The following LRMDA variants were observed in gnomAD, a reference collection of about 807,000 sequenced individuals.
The protein encoded by LRMDA is leucine-rich melanocyte differentiation-associated protein.
A neutral mutation model predicts 29.8 loss-of-function variants in LRMDA; 18 were observed. The observed-to-expected ratio is 0.60, with a 90% CI of 0.42 to 0.90. The LOEUF is 0.90. Ranked by LOEUF, LRMDA falls within the 40% of genes least tolerant of loss-of-function variation. The probability of loss-of-function intolerance (pLI) is 0.00; values close to 1 mark genes in which losing one functional copy is unlikely to be tolerated. For missense variants in LRMDA, 273 were observed against 273.9 expected (o/e 1.00, Z 0.02); for synonymous variants, 125 against 109.4 (o/e 1.14, Z -0.89).
chr10:76,116,823 C>T (rs1849674952), intron 5 of LRMDA, among the ~76,000 whole-genome samples: 1 of 152,158 alleles, frequency 6.6e-6, no homozygotes, highest in African/African-American at 2.4e-5. Context: ...GGCTTCTCTT[C>T]TTCCACCTTT....
At chr10:75,601,161 G>A (rs1443220188) in intron 2 of LRMDA, 1 of 152,158 alleles carries the variant, frequency 6.6e-6, no homozygotes, top group East Asian at 1.9e-4. Flanking sequence ...GCTGTCACGG[G>A]GACTCTGCGT....
Position 76,501,511 on chromosome 10 carries a change from C to T in LRMDA, c.602-55698C>T, listed in dbSNP as rs111325574. On this transcript the variant is annotated intron_variant, in intron 6 of 6. Transcript: ENST00000611255. ...ACAGTGTGTAAGCATTTGCTTTTCT[C>T]CATGGCCTCACCAGCATATGTCATT... Among the ~76,000 whole-genome samples, 323 of 152,074 alleles carry T rather than the reference C, an allele frequency of 2.1e-3. 3 individuals are homozygous for T. The highest frequency in any genetic ancestry group is 0.01 in the Middle Eastern group (3 of 294).
intron 2 of LRMDA, among the ~76,000 whole-genome samples, chr10:75,983,517 A>G (rs896229831): frequency 6.6e-6 from 1 of 152,142 alleles, no homozygotes; most frequent in Non-Finnish European, 1.5e-5. Context: ...CATACGTAAT[A>G]TCCCCAAGTC....
chr10:75,498,522 T>C (rs1845075585), intron 2 of LRMDA, among the ~76,000 whole-genome samples: 1 of 152,178 alleles, frequency 6.6e-6, no homozygotes, highest in South Asian at 2.1e-4. Context: ...TTTAAGGAGT[T>C]TGGTGAGTCA....
At chr10:75,859,315 G>A (rs2052114056) in intron 2 of LRMDA, among the ~76,000 whole-genome samples, 2 of 152,088 alleles carry the variant, frequency 1.3e-5, no homozygotes, top group Non-Finnish European at 2.9e-5. Flanking sequence ...ATTTTTATCA[G>A]TACTCACCCC....
chr10:75,575,936 G>A lies in LRMDA; in HGVS notation c.131+137442G>A, dbSNP rs992473501. Among the ~76,000 whole-genome samples the A allele has an allele frequency of 5.3e-5, 8 of 151,376 alleles. No homozygotes were observed. In the East Asian group the frequency reaches 7.8e-4, roughly 15 times the overall value. On this transcript the variant is annotated intron_variant, in intron 2 of 6. Transcript: ENST00000611255. Reference sequence around the variant, plus strand: ...GTTTCCAGCACAAAACTGGGCGGCCGTTTGGGCAGACACCGAGCTAGCCAC... The same window carrying A: ...GTTTCCAGCACAAAACTGGGCGGCCATTTGGGCAGACACCGAGCTAGCCAC...
chr10:76,525,159 G>C (rs1444490341), intron 6 of LRMDA, among the ~76,000 whole-genome samples: 1 of 152,148 alleles, frequency 6.6e-6, no homozygotes, highest in Non-Finnish European at 1.5e-5. Flanking sequence ...TCTTGCAAAA[G>C]ATATGAATTG....
chr10:76,085,054 G>A (rs1447875210), intron 5 of LRMDA, among the ~76,000 whole-genome samples: 1 of 152,090 alleles, frequency 6.6e-6, no homozygotes, highest in Non-Finnish European at 1.5e-5. Context: ...GGTGCCACTG[G>A]GATTTTTGCT....
intron 5 of LRMDA, among the ~76,000 whole-genome samples, chr10:76,229,522 G>A (rs1200495509): frequency 2.1e-4 from 32 of 152,164 alleles, no homozygotes; most frequent in Admixed American, 2.1e-3. Flanking sequence ...GGTGATGCAA[G>A]ACAATTGCAT....
intron 5 of LRMDA, among the ~76,000 whole-genome samples, chr10:76,317,066 G>A (rs977710169): frequency 2.6e-5 from 4 of 152,180 alleles, no homozygotes; most frequent in African/African-American, 9.7e-5. Flanking sequence ...ATGGTCAGGA[G>A]AAGGGCATCA....
intron 6 of LRMDA, among the ~76,000 whole-genome samples, chr10:76,334,117 G>A (rs1054872227): frequency 6.6e-6 from 1 of 152,188 alleles, no homozygotes; most frequent in Non-Finnish European, 1.5e-5. Flanking sequence ...CTAGCCTTTG[G>A]CTTAAAGATG....
At chr10:75,590,726 CTTTTTTTTTTTTTTTTTTTTTTTTT>C (rs67966004) in intron 2 of LRMDA, among the ~76,000 whole-genome samples, 3 of 71,384 alleles carry the variant, frequency 4.2e-5, no homozygotes, top group Admixed American at 2.1e-4. Flanking sequence ...ATAAAATAGT[CTTTTTTTTTTTTTTTTTTTTTTTTT>C]TTTTTTTTTT....
chr10:76,323,223 T>A (rs1055469818), intron 5 of LRMDA, among the ~76,000 whole-genome samples: 1 of 152,140 alleles, frequency 6.6e-6, no homozygotes, highest in Non-Finnish European at 1.5e-5. Flanking sequence ...AAGTCTCCAC[T>A]GAAAGCCGCT....
At chr10:76,429,502 T>G (rs1185644978) in intron 6 of LRMDA, among the ~76,000 whole-genome samples, 1 of 152,054 alleles carries the variant, frequency 6.6e-6, no homozygotes, top group Non-Finnish European at 1.5e-5. Flanking sequence ...ATGATTATTA[T>G]TCCTCTTGTC....
intron 2 of LRMDA, among the ~76,000 whole-genome samples, chr10:75,548,102 A>C (rs994813160): frequency 7.0e-6 from 1 of 142,734 alleles, no homozygotes; most frequent in East Asian, 2.0e-4. Flanking sequence ...ATTTAAAAGA[A>C]AAAAAAAAAA....
chr10:75,552,514 T>C, intron 2 of LRMDA: 1 of 483,670 alleles, frequency 2.1e-6, no homozygotes, highest in South Asian at 1.5e-5. Flanking sequence ...CACCCCATCA[T>C]AGTAAACTAC....
intron 2 of LRMDA, among the ~76,000 whole-genome samples, chr10:75,498,105 G>T (rs1352847789): frequency 1.3e-5 from 2 of 152,140 alleles, no homozygotes; most frequent in African/African-American, 4.8e-5. Flanking sequence ...GCATTCTGTT[G>T]GGTGTATGAT....
intron 6 of LRMDA, among the ~76,000 whole-genome samples, chr10:76,377,353 GT>G (rs1182360572): frequency 6.6e-6 from 1 of 152,092 alleles, no homozygotes; most frequent in African/African-American, 2.4e-5. Context: ...TAGATTATCT[GT>G]TTACTTTGTT....
intron 5 of LRMDA, among the ~76,000 whole-genome samples, chr10:76,215,963 TC>T (rs1222082084): frequency 6.6e-6 from 1 of 152,198 alleles, no homozygotes; most frequent in Non-Finnish European, 1.5e-5. Context: ...CAAAAAGATT[TC>T]CTTAAAAAGA....
Sources: gnomAD v4.1 joint callset for allele counts (sites outside exome capture counted in the v4.1 genomes callset) on GRCh38, gnomAD v4.1.1 for gene constraint, MANE v1.5 for transcripts, NCBI Gene and HGNC (gene_info 2026-07-23, HGNC 2026-07-21) for gene names.